The following CTNNA3 variants were observed in gnomAD, a reference collection of about 807,000 sequenced individuals.
The protein encoded by CTNNA3 is catenin alpha-3.
In CTNNA3, 76 loss-of-function variants were observed where a neutral mutation model predicts 95.7. That is an observed-to-expected ratio of 0.79 (90% CI 0.66 to 0.96). The LOEUF (loss-of-function observed/expected upper bound fraction) is 0.96. Ranked by LOEUF, CTNNA3 falls within the 40% of genes least tolerant of loss-of-function variation. The pLI is 0.00. For synonymous variants in CTNNA3, 431 were observed against 374.4 expected, an observed-to-expected ratio of 1.15 and a Z score of -1.74; for missense variants, 1,191 against 1,089.8, an observed-to-expected ratio of 1.09 and a Z score of -1.31.
chr10:66,797,709 A>G (rs1841262683), intron 7 of CTNNA3, among the ~76,000 whole-genome samples: 1 of 151,910 alleles, frequency 6.6e-6, no homozygotes, highest in Non-Finnish European at 1.5e-5. Context: ...CTCTCTCTAA[A>G]GTGTCTGTGA....
Position 67,705,896 on chromosome 10 carries a change from A to G in CTNNA3, c.-2+57538T>C, listed in dbSNP as rs377616823. Among the ~76,000 whole-genome samples, 281 of 152,228 alleles carry G rather than the reference A, an allele frequency of 1.8e-3. 13 individuals are homozygous for G. In the South Asian group the frequency reaches 0.056, roughly 30 times the overall value. On this transcript the variant is annotated intron_variant, in intron 1 of 17. Transcript: ENST00000684154. The stretch of plus-strand genomic sequence containing the variant: ...GCCCACAGCTTGCAGAGTCCAATTA[A>G]CTAGAGCGAAGTCTGGTATAAAGAA...
chr10:66,723,955 A>G (rs1211433336), intron 9 of CTNNA3, among the ~76,000 whole-genome samples: 2 of 152,144 alleles, frequency 1.3e-5, no homozygotes, highest in East Asian at 1.9e-4. Flanking sequence ...TCTTTCTTTC[A>G]TCATATTTTT....
intron 9 of CTNNA3, among the ~76,000 whole-genome samples, chr10:66,728,752 T>G (rs563863417): frequency 6.6e-6 from 1 of 152,266 alleles, no homozygotes; most frequent in East Asian, 1.9e-4. Context: ...CATGCCCAGC[T>G]AATTTTTGTA....
At chr10:67,686,899 A>C (rs1840742415) in intron 1 of CTNNA3, among the ~76,000 whole-genome samples, 1 of 152,056 alleles carries the variant, frequency 6.6e-6, no homozygotes, top group South Asian at 2.1e-4. Context: ...TTCCCTCCTC[A>C]AGCAGGGGAC....
chr10:67,551,750 G>A (rs904341841), intron 3 of CTNNA3, among the ~76,000 whole-genome samples: 1 of 152,150 alleles, frequency 6.6e-6, no homozygotes, highest in Non-Finnish European at 1.5e-5. Context: ...CCCCTGAGGA[G>A]GACAAGGGAA....
intron 5 of CTNNA3, among the ~76,000 whole-genome samples, chr10:67,455,169 A>G (rs1339151964): frequency 2.6e-5 from 4 of 152,120 alleles, no homozygotes; most frequent in African/African-American, 7.2e-5. Flanking sequence ...ACATTTTCCC[A>G]TATGTTCACA....
At chr10:66,114,430 ATGTATATATG>A (rs1317384777) in intron 13 of CTNNA3, among the ~76,000 whole-genome samples, 4 of 150,008 alleles carry the variant, frequency 2.7e-5, no homozygotes, top group East Asian at 2.0e-4. Flanking sequence ...GTATATTCGT[ATGTATATATG>A]TGTATATATG....
chr10:66,948,586 T>C (rs1412116912), intron 7 of CTNNA3, among the ~76,000 whole-genome samples: 1 of 152,214 alleles, frequency 6.6e-6, no homozygotes, highest in Non-Finnish European at 1.5e-5. Flanking sequence ...TTTATGGAGC[T>C]TAACCATAAG....
intron 17 of CTNNA3, among the ~76,000 whole-genome samples, chr10:65,934,646 C>T (rs79945657): frequency 0.027 from 4,161 of 152,052 alleles, 94 homozygotes; most frequent in Non-Finnish European, 0.047. Context: ...AGGTATGGAT[C>T]AAATCAACAT....
chr10:67,540,392 T>C (rs996618952), intron 3 of CTNNA3, among the ~76,000 whole-genome samples: 2 of 151,976 alleles, frequency 1.3e-5, no homozygotes, highest in African/African-American at 4.8e-5. Flanking sequence ...AAATCTAAAC[T>C]TCTTTTTATT....
chr10:66,120,192 T>C (rs1415419749), intron 13 of CTNNA3, among the ~76,000 whole-genome samples: 2 of 152,194 alleles, frequency 1.3e-5, no homozygotes, highest in Non-Finnish European at 2.9e-5. Flanking sequence ...TTTTAAATTA[T>C]GATAAACCAT....
intron 15 of CTNNA3, among the ~76,000 whole-genome samples, chr10:66,049,986 A>G (rs894137711): frequency 2.6e-5 from 4 of 152,178 alleles, no homozygotes; most frequent in African/African-American, 9.6e-5. Flanking sequence ...AACCACACAC[A>G]CAAAAAAGAG....
chr10:66,639,198 A>G (rs1845435188), intron 9 of CTNNA3, among the ~76,000 whole-genome samples: 1 of 81,452 alleles, frequency 1.2e-5, no homozygotes, highest in East Asian at 2.0e-3. Flanking sequence ...CATTAGTTGA[A>G]CCATAGAAAA....
chr10:66,574,853 A>AT (rs1842962278), intron 10 of CTNNA3, among the ~76,000 whole-genome samples: 1 of 152,094 alleles, frequency 6.6e-6, no homozygotes, highest in African/African-American at 2.4e-5. Flanking sequence ...TACATTCCAG[A>AT]TTCAGCTGGA....
intron 7 of CTNNA3, among the ~76,000 whole-genome samples, chr10:66,934,145 C>A (rs765842286): frequency 6.6e-6 from 1 of 151,978 alleles, no homozygotes; most frequent in Non-Finnish European, 1.5e-5. Flanking sequence ...TTTCTAACAA[C>A]AGAACTTCTA....
intron 10 of CTNNA3, among the ~76,000 whole-genome samples, chr10:66,607,472 C>CAAAAAAAAAAA (rs574854850): frequency 1.3e-4 from 6 of 45,270 alleles, no homozygotes; most frequent in Admixed American, 6.5e-4. Context: ...CAGAGACAAC[C>CAAAAAAAAAAA]AAAAAAAAAA....
chr10:66,235,843 A>G (rs1224753696), intron 13 of CTNNA3, among the ~76,000 whole-genome samples: 6 of 152,166 alleles, frequency 3.9e-5, no homozygotes, highest in African/African-American at 1.4e-4. Context: ...TCCATTTATC[A>G]TTGTCTATAA....
chr10:66,511,584 A>G (rs1406602106), intron 11 of CTNNA3, among the ~76,000 whole-genome samples: 1 of 151,668 alleles, frequency 6.6e-6, no homozygotes, highest in Admixed American at 6.6e-5. Context: ...TCTTTCAAGA[A>G]GTATTTAAAA....
At chr10:67,532,475 T>A (rs1399166331) in intron 4 of CTNNA3, among the ~76,000 whole-genome samples, 1 of 152,234 alleles carries the variant, frequency 6.6e-6, no homozygotes, top group Admixed American at 6.5e-5. Flanking sequence ...ATGTTAAATA[T>A]ACATTTGACA....
Sources: allele counts gnomAD v4.1 joint callset (sites outside exome capture counted in the v4.1 genomes callset), GRCh38; gene constraint gnomAD v4.1.1; transcripts MANE v1.5; gene names NCBI Gene and HGNC (gene_info 2026-07-23, HGNC 2026-07-21).